ITGA9: variants seen among roughly 807,000 people sequenced by gnomAD.
The protein encoded by ITGA9 is integrin subunit alpha 9, also known as integrin alpha-9.
ITGA9 carries 56 observed loss-of-function variants against 127.8 expected under a neutral mutation model. The ratio of observed to expected loss-of-function variants is 0.44; its 90% confidence interval spans 0.35 to 0.55. The LOEUF is 0.55. Ranked by LOEUF, ITGA9 falls within the 20% of genes least tolerant of loss-of-function variation. The pLI is 0.00. For missense variants in ITGA9, 1,196 were observed against 1,347.1 expected (o/e 0.89, Z 1.76); for synonymous variants, 508 against 514.5 (o/e 0.99, Z 0.17).
intron 18 of ITGA9, among the ~76,000 whole-genome samples, chr3:37,702,918 A>G (rs1700963441): frequency 6.6e-6 from 1 of 151,974 alleles, no homozygotes; most frequent in Non-Finnish European, 1.5e-5. Flanking sequence ...CCAGAAACCC[A>G]AAGGTGGGTC....
chr3:37,723,781 A>G (rs1301003158), intron 18 of ITGA9, among the ~76,000 whole-genome samples: 3 of 152,230 alleles, frequency 2.0e-5, no homozygotes, highest in Admixed American at 2.0e-4. Context: ...ACAGGGCGTG[A>G]TATAGGGCAG....
intron 17 of ITGA9, among the ~76,000 whole-genome samples, chr3:37,661,011 T>C (rs935156497): frequency 2.0e-5 from 3 of 152,238 alleles, no homozygotes; most frequent in Admixed American, 6.5e-5. Flanking sequence ...CTTATTCTAT[T>C]GGCCACAGCA....
chr3:37,742,674 C>T (rs1402997074), intron 21 of ITGA9, among the ~76,000 whole-genome samples: 5 of 152,152 alleles, frequency 3.3e-5, no homozygotes, highest in Non-Finnish European at 4.4e-5. Context: ...TCTAATTTTT[C>T]GGTTTTCAAG....
chr3:37,727,723 G>A (rs1696232454), intron 18 of ITGA9, among the ~76,000 whole-genome samples: 1 of 152,128 alleles, frequency 6.6e-6, no homozygotes, highest in African/African-American at 2.4e-5. Flanking sequence ...TATTTTGTCT[G>A]GTTTTCGGTA....
intron 15 of ITGA9, among the ~76,000 whole-genome samples, chr3:37,549,090 T>C (rs986317082): frequency 2.0e-5 from 3 of 152,212 alleles, no homozygotes; most frequent in African/African-American, 7.2e-5. Context: ...GGAAGTCAGC[T>C]CACTGAGTGT....
At chr3:37,810,022 G>A (rs568665569) in intron 27 of ITGA9, among the ~76,000 whole-genome samples, 13 of 152,294 alleles carry the variant, frequency 8.5e-5, no homozygotes, top group African/African-American at 3.1e-4. Flanking sequence ...CTGCTGACCG[G>A]TTGCCCACTT....
At position 37,698,274 on chromosome 3, in the gene ITGA9, C is replaced by T. The variant is rs543625755; in HGVS notation, c.2067+14259C>T. The stretch of plus-strand genomic sequence containing the variant: ...TGGGTAGATTGCAAAAATTTTCTCC[C>T]ATTTTGTAGGTTGCCTGTTCACTCT... On this transcript the variant is annotated intron_variant, in intron 18 of 27. Transcript: ENST00000264741. 2.6e-5 allele frequency among the ~76,000 whole-genome samples: 4 copies of T among 152,228 alleles called. No homozygotes were observed. The South Asian group carries it at 8.3e-4, about 32-fold the overall frequency.
intron 15 of ITGA9, among the ~76,000 whole-genome samples, chr3:37,602,428 G>A (rs764585646): frequency 6.6e-6 from 1 of 151,998 alleles, no homozygotes; most frequent in Non-Finnish European, 1.5e-5. Flanking sequence ...AATAATAGAG[G>A]CACATATACC....
At chr3:37,815,868 C>G (rs1219830850) in intron 27 of ITGA9, among the ~76,000 whole-genome samples, 1 of 152,154 alleles carries the variant, frequency 6.6e-6, no homozygotes, top group Non-Finnish European at 1.5e-5. Context: ...CTCAGCGAGA[C>G]TTACATGTGC....
At chr3:37,578,668 G>C (rs188455256) in intron 15 of ITGA9, among the ~76,000 whole-genome samples, 14 of 152,222 alleles carry the variant, frequency 9.2e-5, no homozygotes, top group African/African-American at 3.4e-4. Context: ...GATGGGCTCA[G>C]GAATTTTGTT....
intron 18 of ITGA9, among the ~76,000 whole-genome samples, chr3:37,701,724 G>A (rs1481367693): frequency 6.6e-6 from 1 of 152,178 alleles, no homozygotes; most frequent in African/African-American, 2.4e-5. Flanking sequence ...ACATCAGTGG[G>A]GTCTGCGACA....
At chr3:37,499,006 C>T (rs1698761404) in intron 5 of ITGA9, among the ~76,000 whole-genome samples, 1 of 152,224 alleles carries the variant, frequency 6.6e-6, no homozygotes, top group Non-Finnish European at 1.5e-5. Flanking sequence ...GCCTTCTGGT[C>T]ATAGCTATGT....
At chr3:37,527,735 CAAAT>C (rs1367421733) in intron 13 of ITGA9, among the ~76,000 whole-genome samples, 3 of 151,952 alleles carry the variant, frequency 2.0e-5, no homozygotes, top group Non-Finnish European at 2.9e-5. Context: ...GGATTCTTCT[CAAAT>C]AAAACACACT....
At chr3:37,650,283 C>T (rs185128272) in intron 16 of ITGA9, among the ~76,000 whole-genome samples, 2 of 152,268 alleles carry the variant, frequency 1.3e-5, no homozygotes, top group African/African-American at 4.8e-5. Flanking sequence ...CATTAGACCC[C>T]ACCTCTCTAT....
chr3:37,790,016 A>ATTGGTATTC (rs1158557844), intron 26 of ITGA9: 1 of 593,910 alleles, frequency 1.7e-6, no homozygotes, highest in African/African-American at 1.9e-5. Flanking sequence ...TTCTGTTCTA[A>ATTGGTATTC]TTGGTATTCT....
chr3:37,735,410 T>A (rs773660064), intron 19 of ITGA9, among the ~76,000 whole-genome samples: 2 of 152,136 alleles, frequency 1.3e-5, no homozygotes, highest in African/African-American at 4.8e-5. Flanking sequence ...TCACTGTAGA[T>A]GATGGTCCAT....
intron 4 of ITGA9, among the ~76,000 whole-genome samples, chr3:37,490,101 C>T (rs894393218): frequency 6.6e-6 from 1 of 151,942 alleles, no homozygotes; most frequent in Admixed American, 6.5e-5. Context: ...GGTTACAGAA[C>T]AGGTGACTCA....
At chr3:37,729,845 A>G (rs1696265437) in intron 18 of ITGA9, among the ~76,000 whole-genome samples, 2 of 151,902 alleles carry the variant, frequency 1.3e-5, no homozygotes, top group African/African-American at 4.8e-5. Context: ...CTGGGACTAC[A>G]GGCATGCACC....
At chr3:37,492,502 C>T (rs1698683803) in intron 4 of ITGA9, among the ~76,000 whole-genome samples, 1 of 152,234 alleles carries the variant, frequency 6.6e-6, no homozygotes, top group Non-Finnish European at 1.5e-5. Flanking sequence ...ACCTCGGAAA[C>T]CCGAGGTCCT....
Sources: gnomAD v4.1 joint callset for allele counts (sites outside exome capture counted in the v4.1 genomes callset) on GRCh38, gnomAD v4.1.1 for gene constraint, MANE v1.5 for transcripts, NCBI Gene and HGNC (gene_info 2026-07-23, HGNC 2026-07-21) for gene names.